The following IL1RAPL1 variants were observed in gnomAD, a reference collection of about 807,000 sequenced individuals.
IL1RAPL1 encodes the protein interleukin 1 receptor accessory protein like 1, also known as interleukin-1 receptor accessory protein-like 1.
IL1RAPL1 carries 3 observed loss-of-function variants against 48.4 expected under a neutral mutation model. The observed-to-expected ratio is 0.06, with a 90% confidence interval of 0.03 to 0.16. The LOEUF (loss-of-function observed/expected upper bound fraction) is 0.16, where lower values mean the gene tolerates loss of function less well. Among genes scored for constraint, IL1RAPL1 ranks in the 10% least tolerant of loss-of-function variants. The pLI is 1.00. For synonymous variants in IL1RAPL1, 185 were observed against 187.7 expected, an observed-to-expected ratio of 0.99 and a Z score of 0.12; for missense variants, 349 against 530.6, an observed-to-expected ratio of 0.66 and a Z score of 3.36.
At chrX:29,643,736 A>G (rs748759755) in intron 5 of IL1RAPL1, among the ~76,000 whole-genome samples, 1 of 111,212 alleles carries the variant, frequency 9.0e-6, no homozygotes, top group Non-Finnish European at 1.9e-5. Flanking sequence ...AAATACACCA[A>G]GTCAACCTCT....
At chrX:29,512,574 T>G (rs1935404788) in intron 5 of IL1RAPL1, among the ~76,000 whole-genome samples, 1 of 111,760 alleles carries the variant, frequency 8.9e-6, no homozygotes, top group South Asian at 3.7e-4. Context: ...ATTATTTGTT[T>G]TGGAGAAAAA....
intron 2 of IL1RAPL1, among the ~76,000 whole-genome samples, chrX:29,026,798 G>A (rs1926496293): frequency 9.0e-6 from 1 of 111,647 alleles, no homozygotes; most frequent in African/African-American, 3.3e-5. Context: ...ATAAGGATTT[G>A]TATCAAAATA....
intron 2 of IL1RAPL1, among the ~76,000 whole-genome samples, chrX:29,016,154 G>C (rs1218032378): frequency 8.9e-6 from 1 of 111,754 alleles, no homozygotes; most frequent in African/African-American, 3.2e-5. Flanking sequence ...AACTCACAGA[G>C]TAGTGTGGGA....
At chrX:29,849,002 AG>A (rs1931307730) in intron 6 of IL1RAPL1, among the ~76,000 whole-genome samples, 1 of 110,168 alleles carries the variant, frequency 9.1e-6, no homozygotes, top group African/African-American at 3.3e-5. Context: ...CCTACCCTTA[AG>A]TGATCCACCC....
intron 2 of IL1RAPL1, among the ~76,000 whole-genome samples, chrX:29,026,710 A>G (rs1569222113): frequency 8.9e-6 from 1 of 112,016 alleles, no homozygotes; most frequent in Non-Finnish European, 1.9e-5. Flanking sequence ...AGGTGAGATA[A>G]TGGCACAATG....
chrX:29,661,866 C>G (rs1022683805), intron 5 of IL1RAPL1, among the ~76,000 whole-genome samples: 1 of 111,302 alleles, frequency 9.0e-6, no homozygotes, highest in Admixed American at 9.6e-5. Context: ...GAAAAAAATT[C>G]TACCACTTCC....
At chrX:29,213,009 T>C (rs866786394) in intron 2 of IL1RAPL1, among the ~76,000 whole-genome samples, 1 of 111,219 alleles carries the variant, frequency 9.0e-6, no homozygotes, top group East Asian at 2.8e-4. Flanking sequence ...TTTTTTTTTC[T>C]TTTTTTGACA....
chrX:29,362,701 A>T (rs1933393154), intron 3 of IL1RAPL1, among the ~76,000 whole-genome samples: 1 of 111,690 alleles, frequency 9.0e-6, no homozygotes, highest in Non-Finnish European at 1.9e-5. Flanking sequence ...AAAACTGATG[A>T]CCCATCATTA....
At chrX:28,873,481 G>A (rs1275305899) in intron 2 of IL1RAPL1, among the ~76,000 whole-genome samples, 2 of 104,378 alleles carry the variant, frequency 1.9e-5, no homozygotes, top group Admixed American at 1.0e-4. Context: ...CATAGAGTTC[G>A]TAGCAGCACA....
At chrX:29,131,272 G>GTATATATATA (rs768066160) in intron 2 of IL1RAPL1, among the ~76,000 whole-genome samples, 4 of 80,687 alleles carry the variant, frequency 5.0e-5, no homozygotes, top group African/African-American at 1.4e-4. Flanking sequence ...CTGTGTGTGT[G>GTATATATATA]TGTATATATA....
At chrX:29,536,316 A>C (rs777470896) in intron 5 of IL1RAPL1, among the ~76,000 whole-genome samples, 1 of 112,000 alleles carries the variant, frequency 8.9e-6, no homozygotes, top group Non-Finnish European at 1.9e-5. Flanking sequence ...GACAAGAAAA[A>C]TCTATTCATG....
intron 1 of IL1RAPL1, among the ~76,000 whole-genome samples, chrX:28,591,768 T>A (rs1933909710): frequency 2.7e-5 from 3 of 111,305 alleles, no homozygotes; most frequent in Non-Finnish European, 1.9e-5. Flanking sequence ...CTCGAAACTG[T>A]ACTTCCGGCT....
chrX:29,333,448 CAG>C (rs1932915451), intron 3 of IL1RAPL1, among the ~76,000 whole-genome samples: 1 of 90,782 alleles, frequency 1.1e-5, no homozygotes, highest in African/African-American at 4.0e-5. Context: ...GCTGGCCGGG[CAG>C]AGGGGCTCCT....
At chrX:28,678,662 T>G (rs1477526656) in intron 1 of IL1RAPL1, among the ~76,000 whole-genome samples, 1 of 111,770 alleles carries the variant, frequency 8.9e-6, no homozygotes, top group African/African-American at 3.2e-5. Flanking sequence ...GTAAATATAG[T>G]ATTTAATCTT....
chrX:28,844,198 C>G (rs998843264), intron 2 of IL1RAPL1, among the ~76,000 whole-genome samples: 4 of 105,841 alleles, frequency 3.8e-5, no homozygotes, highest in Non-Finnish European at 7.8e-5. Context: ...AATTTCCCAC[C>G]AAATTCCCAC....
intron 2 of IL1RAPL1, among the ~76,000 whole-genome samples, chrX:28,795,169 A>AT (rs1006435278): frequency 9.0e-6 from 1 of 111,149 alleles, no homozygotes; most frequent in Non-Finnish European, 1.9e-5. Flanking sequence ...ATGCACTTTA[A>AT]TTTTTTCTCA....
intron 2 of IL1RAPL1, among the ~76,000 whole-genome samples, chrX:29,019,190 G>A (rs760099192): frequency 3.6e-5 from 4 of 111,168 alleles, no homozygotes; most frequent in Non-Finnish European, 7.5e-5. Flanking sequence ...CCCATGACCC[G>A]TGGGGATTAT....
intron 6 of IL1RAPL1, among the ~76,000 whole-genome samples, chrX:29,719,070 G>A (rs1273742363): frequency 8.9e-6 from 1 of 112,070 alleles, no homozygotes. Flanking sequence ...TCAGAGAGAA[G>A]TGACTTTTCC....
chrX:29,261,630 A>T (rs906592303), intron 2 of IL1RAPL1, among the ~76,000 whole-genome samples: 1 of 110,936 alleles, frequency 9.0e-6, no homozygotes, highest in Non-Finnish European at 1.9e-5. Context: ...CCACCTTTTT[A>T]AAAAAATATA....
Sources: allele counts gnomAD v4.1 joint callset (sites outside exome capture counted in the v4.1 genomes callset), GRCh38; gene constraint gnomAD v4.1.1; transcripts MANE v1.5; gene names NCBI Gene and HGNC (gene_info 2026-07-23, HGNC 2026-07-21).